BAIAP2L2: variants seen among roughly 807,000 people sequenced by gnomAD.
BAIAP2L2 encodes BAR/IMD domain containing adaptor protein 2 like 2.
BAIAP2L2 carries 65 observed loss-of-function variants against 60.4 expected under a neutral mutation model. The observed-to-expected ratio is 1.08, with a 90% CI of 0.88 to 1.32. The LOEUF (loss-of-function observed/expected upper bound fraction) is 1.32. BAIAP2L2 is among the 40% of genes most tolerant of loss of function. BAIAP2L2 has a pLI of 0.00. For missense variants in BAIAP2L2, 836 were observed against 741.2 expected, an observed-to-expected ratio of 1.13 and a Z score of -1.48; for synonymous variants, 344 against 301.7, an observed-to-expected ratio of 1.14 and a Z score of -1.45.
At chr22:38,093,999 T>C (rs2086368598) in intron 7 of BAIAP2L2, 2 of 456,338 alleles carry the variant, frequency 4.4e-6, no homozygotes, top group African/African-American at 4.0e-5. Context: ...AAATACAATG[T>C]GGTGTATCCA....
In BAIAP2L2 at chr22:38,098,226, A is replaced by C. The variant is rs779004883; in HGVS notation, c.349-47T>G. ...GAGGGAGAATCCCCCCACATCAGAG[A>C]GCTCAAGACACCCCTCCCAGAGATC... On this transcript the variant is annotated intron_variant, in intron 5 of 13. Transcript: ENST00000381669. 5.0e-6 allele frequency: 8 copies of C among 1,584,590 alleles called. No homozygotes were observed. The Admixed American group carries it at 1.2e-4, about 23-fold the overall frequency.
At position 38,092,607 on chromosome 22, in the gene BAIAP2L2, A is replaced by G. The variant is rs142101103; in HGVS notation, c.613-2933T>C. Among the ~76,000 whole-genome samples, 4 of 152,298 alleles carry G rather than the reference A, an allele frequency of 2.6e-5. No individual in the cohort carries two copies. The East Asian group carries it at 7.7e-4, about 29-fold the overall frequency. ...GTGCCTTCTACTTATAAATAGAACA[A>G]GAAGTAAATATATATGCTTAGCTAT... On this transcript the variant is annotated intron_variant, in intron 7 of 13. Coordinates refer to ENST00000381669, the MANE Select transcript of BAIAP2L2 (RefSeq NM_025045.6).
chr22:38,085,453 A>G (rs1305081682), intron 13 of BAIAP2L2, 78 bp from the exon 14 acceptor site: 15 of 1,484,596 alleles, frequency 1.0e-5, no homozygotes, highest in Non-Finnish European at 1.3e-5. Flanking sequence ...GCAGCTGGGC[A>G]ACTGAGCTGG....
rs2086043734 is a variant in BAIAP2L2, at chr22:38,085,740, G to A, written c.1468-8C>T. The A allele has an allele frequency of 1.3e-6, 2 of 1,593,160 alleles. No homozygotes were observed. Among genetic ancestry groups the A allele is most frequent in the East Asian group, 2.2e-5 (1 of 44,692 alleles). On this transcript the variant is annotated splice_region_variant and splice_polypyrimidine_tract_variant and intron_variant, in intron 12 of 13. Coordinates refer to ENST00000381669, the MANE Select transcript of BAIAP2L2 (RefSeq NM_025045.6). The stretch of plus-strand genomic sequence containing the variant: ...CTCTGAGGACATCAGTTTCTGCAGT[G>A]GGGGTGGGGAAGGGCTGGTTTGGTG...
chr22:38,098,484 T>C lies in BAIAP2L2; in HGVS notation c.277-2A>G. The C allele has an allele frequency of 6.2e-7, 1 of 1,612,764 alleles. No homozygotes were observed. Among genetic ancestry groups the C allele is most frequent in the Non-Finnish European group, 8.5e-7 (1 of 1,178,968 alleles). On this transcript the variant is annotated splice_acceptor_variant, in intron 4 of 13. Transcript: ENST00000381669. LOFTEE classifies it high-confidence loss of function. ...CAGGCCTCCATGGAATGTCTGCACC[T>C]GAGCGGAGTGCAGGGTGAGGGTGAT...
chr22:38,091,547 G>A (rs2086300233), intron 7 of BAIAP2L2: 1 of 152,100 alleles, frequency 6.6e-6, no homozygotes, highest in Non-Finnish European at 1.5e-5. Context: ...AATAAATGGT[G>A]GGTGAGAAGA....
At chr22:38,088,690 C>T (rs2086174520) in intron 10 of BAIAP2L2, 58 bp downstream of exon 10, 4 of 1,497,972 alleles carry the variant, frequency 2.7e-6, no homozygotes, top group Non-Finnish European at 8.9e-7. Flanking sequence ...CCCCGGGTTC[C>T]CGGCCCCCAG....
At chr22:38,101,401 G>T (rs1163361488) in intron 4 of BAIAP2L2, among the ~76,000 whole-genome samples, 1 of 91,102 alleles carries the variant, frequency 1.1e-5, no homozygotes, top group Non-Finnish European at 2.1e-5. Flanking sequence ...AAAAAAAAAA[G>T]CCAGACGTGG....
chr22:38,085,037 G>C lies in BAIAP2L2; in HGVS notation c.*263C>G. The C allele has an allele frequency of 2.2e-6, 1 of 453,398 alleles. No homozygotes were observed. Among genetic ancestry groups the C allele is most frequent in the Non-Finnish European group, 4.0e-6 (1 of 248,280 alleles). The allele number at this position is 453,398 out of a possible 1,614,324, so 28.1% of individuals were successfully genotyped here. ...AAAGAGGTTAGGGGGCAAGAGGTGG[G>C]CCCCCCAGGGAGAGTCCTGGAGCCC... is the stretch of plus-strand genomic sequence containing the variant. On this transcript the variant is annotated 3_prime_UTR_variant, in exon 14 of 14. Coordinates refer to ENST00000381669, the MANE Select transcript of BAIAP2L2 (RefSeq NM_025045.6).
chr22:38,089,731 G>A (rs2086235060), intron 7 of BAIAP2L2, 57 bp from the exon 8 acceptor site: 1 of 1,221,104 alleles, frequency 8.2e-7, no homozygotes, highest in Non-Finnish European at 1.0e-6. Context: ...TGAATCCTGG[G>A]GACCCAAAAT....
At chr22:38,106,363 T>A (rs1346106283) in intron 4 of BAIAP2L2, among the ~76,000 whole-genome samples, 1 of 150,962 alleles carries the variant, frequency 6.6e-6, no homozygotes, top group Non-Finnish European at 1.5e-5. Context: ...TGCAAAAAAA[T>A]AAAAAAATTA....
intron 7 of BAIAP2L2, among the ~76,000 whole-genome samples, chr22:38,094,821 G>GGGCGTGGGAGGCGTGGGAGGCGTGGGA (rs146521441): frequency 4.0e-5 from 6 of 150,386 alleles, no homozygotes; most frequent in African/African-American, 1.2e-4. Context: ...GACTCGGGGA[G>GGGCGTGGGAGGCGTGGGAGGCGTGGGA]GGCGTGGGAG....
rs537299361 is a variant in BAIAP2L2, at chr22:38,093,182, A to C, written c.613-3508T>G. Reference sequence around the variant, plus strand: ...ACTCCATCTTAAAATAAAAAGAAAAAAGAAAGAGTGTGGCACCCCACCGGC... The same window carrying C: ...ACTCCATCTTAAAATAAAAAGAAAACAGAAAGAGTGTGGCACCCCACCGGC... On this transcript the variant is annotated intron_variant, in intron 7 of 13. Coordinates refer to ENST00000381669, the MANE Select transcript of BAIAP2L2 (RefSeq NM_025045.6). Among the ~76,000 whole-genome samples, 31 of 150,872 alleles carry C rather than the reference A, an allele frequency of 2.1e-4. No homozygotes were observed. The South Asian group carries it at 6.0e-3, about 29-fold the overall frequency.
At chr22:38,089,411 G>C in intron 8 of BAIAP2L2, 111 bp downstream of exon 8, 1 of 639,322 alleles carries the variant, frequency 1.6e-6, no homozygotes, top group Non-Finnish European at 2.2e-6. Flanking sequence ...GGGATGCAGC[G>C]TAGAGCGGGA....
chr22:38,108,106 T>C, intron 3 of BAIAP2L2, 149 bp downstream of exon 3: 1 of 925,512 alleles, frequency 1.1e-6, no homozygotes, highest in South Asian at 1.6e-5. Flanking sequence ...CGGCAGGGAG[T>C]GGTGGCGGGG....
In BAIAP2L2 at chr22:38,109,944, A is replaced by G. The variant is rs189136786; in HGVS notation, c.51+531T>C. ...GCCTCCAGGTGAAAGGGTCCTGCAC[A>G]CAGGAGGCGCTCAATAAATGTCTGT... On this transcript the variant is annotated intron_variant, in intron 1 of 13. Transcript: ENST00000381669. 5.0e-3 allele frequency among the ~76,000 whole-genome samples: 748 copies of G among 150,046 alleles called. 4 individuals carry two copies. The highest frequency in any genetic ancestry group is 0.018 in the African/African-American group (712 of 40,668).
At chr22:38,088,584 T>C (rs1219099509) in intron 10 of BAIAP2L2, among the ~76,000 whole-genome samples, 164 bp downstream of exon 10, 1 of 152,128 alleles carries the variant, frequency 6.6e-6, no homozygotes, top group Admixed American at 6.5e-5. Context: ...TCCCACTGAA[T>C]GAATGAGGAA....
At position 38,098,046 on chromosome 22, in the gene BAIAP2L2, C is replaced by T; in HGVS notation, c.465+17G>A. The stretch of plus-strand genomic sequence containing the variant: ...ACCCGCCCTTCCTGGCCCACCCCCG[C>T]TTCCCGGCCCTCGCACCTTCATCTC... On this transcript the variant is annotated intron_variant, in intron 6 of 13. Coordinates refer to ENST00000381669, the MANE Select transcript of BAIAP2L2 (RefSeq NM_025045.6). 6.4e-7 allele frequency: 1 copy of T among 1,558,386 alleles called. No homozygotes were observed. The highest frequency in any genetic ancestry group is 8.8e-7 in the Non-Finnish European group (1 of 1,134,902).
rs776528588 is a variant in BAIAP2L2 at position 38,087,232 on chromosome 22, G to A, written c.1151C>T (p.Ala384Val). The stretch of plus-strand genomic sequence containing the variant: ...GGGATTCACGGGCCCCTCCTCCAGA[G>A]CCTTCACGTACGCCTCGGGGAACCA... Reference protein sequence around the residue: ...SGWFPEAYVKALEEGPVNPMT... With the variant: ...SGWFPEAYVKVLEEGPVNPMT... The change falls in exon 11 of 14, where the codon GCT becomes GTT. Residue 384 changes from alanine to valine, a missense_variant. Physicochemically the swap from Ala to Val is moderately conservative, Grantham distance 64. Transcript: ENST00000381669. 2 of 1,606,846 alleles carry A rather than the reference G, an allele frequency of 1.2e-6. No individual in the cohort carries two copies. The highest frequency in any genetic ancestry group is 1.7e-5 in the Admixed American group (1 of 58,744).
Sources: gnomAD v4.1 joint callset for allele counts (sites outside exome capture counted in the v4.1 genomes callset) on GRCh38, gnomAD v4.1.1 for gene constraint, MANE v1.5 for transcripts, NCBI Gene and HGNC (gene_info 2026-07-23, HGNC 2026-07-21) for gene names.